Variants in CACNA2D3 observed in about 807,000 individuals in gnomAD.
The protein encoded by CACNA2D3 is calcium voltage-gated channel auxiliary subunit alpha2delta 3.
In CACNA2D3, 60 loss-of-function variants were observed where a neutral mutation model predicts 160.6. The ratio of observed to expected loss-of-function variants is 0.37; its 90% CI spans 0.30 to 0.46. CACNA2D3 has a LOEUF of 0.46. Ranked by LOEUF, CACNA2D3 falls within the 20% of genes least tolerant of loss-of-function variation. The pLI is 1.00. For missense variants in CACNA2D3, 1,205 were observed against 1,365.0 expected (o/e 0.88, Z 1.85); for synonymous variants, 558 against 492.9 (o/e 1.13, Z -1.75).
intron 18 of CACNA2D3, among the ~76,000 whole-genome samples, chr3:54,874,263 A>C (rs1699610394): frequency 6.6e-6 from 1 of 152,228 alleles, no homozygotes; most frequent in South Asian, 2.1e-4. Context: ...CCCACTCTGC[A>C]GGATGAGTTA....
At chr3:54,921,285 G>C (rs1700842043) in intron 27 of CACNA2D3, among the ~76,000 whole-genome samples, 1 of 152,114 alleles carries the variant, frequency 6.6e-6, no homozygotes, top group South Asian at 2.1e-4. Flanking sequence ...TTGTGCCTCT[G>C]CTTGCTCATC....
intron 2 of CACNA2D3, among the ~76,000 whole-genome samples, chr3:54,189,804 C>T (rs368870287): frequency 2.0e-5 from 3 of 152,170 alleles, no homozygotes; most frequent in South Asian, 4.1e-4. Context: ...ACAATTCAAA[C>T]GTGTTGTGCC....
intron 4 of CACNA2D3, among the ~76,000 whole-genome samples, chr3:54,447,138 C>A (rs566653963): frequency 6.6e-6 from 1 of 152,272 alleles, no homozygotes; most frequent in South Asian, 2.1e-4. Flanking sequence ...GAGTGCTAAT[C>A]TGTTTCAATT....
At position 54,636,579 on chromosome 3, in the gene CACNA2D3, A is replaced by G. The variant is rs367990181; in HGVS notation, c.1054-5549A>G. 5.9e-5 allele frequency among the ~76,000 whole-genome samples: 9 copies of G among 152,162 alleles called. 1 individual carries two copies. The East Asian group carries it at 9.6e-4, about 16-fold the overall frequency. On this transcript the variant is annotated intron_variant, in intron 10 of 37. Coordinates refer to ENST00000474759, the MANE Select transcript of CACNA2D3 (RefSeq NM_018398.3). ...TAAAGCAGCGGCAGCCTCTGCACGC[A>G]GACATGAGGGCTAGGCTAAAACAGT...
At chr3:54,207,811 C>T (rs1036179609) in intron 2 of CACNA2D3, among the ~76,000 whole-genome samples, 9 of 151,986 alleles carry the variant, frequency 5.9e-5, no homozygotes, top group African/African-American at 2.2e-4. Flanking sequence ...CGAGATAGGG[C>T]CGCTTGTCAG....
rs115205741 is a variant in CACNA2D3, at chr3:54,254,728, A to G, written c.205-65714A>G. 7.0e-3 allele frequency among the ~76,000 whole-genome samples: 1,015 copies of G among 145,580 alleles called. 14 individuals carry two copies. The highest frequency in any genetic ancestry group is 0.025 in the African/African-American group (956 of 39,016). On this transcript the variant is annotated intron_variant, in intron 2 of 37. Coordinates refer to ENST00000474759, the MANE Select transcript of CACNA2D3 (RefSeq NM_018398.3). ...TGTTGTTACCAACCTATTTGAATCA[A>G]AGTAAAAATCTTCCTTGTCAGAAAT...
intron 35 of CACNA2D3, among the ~76,000 whole-genome samples, chr3:55,057,987 C>CA (rs1195757645): frequency 1.8e-4 from 27 of 150,534 alleles, no homozygotes; most frequent in African/African-American, 2.7e-4. Flanking sequence ...GACAAATCAC[C>CA]AAAAAAAAAT....
At chr3:54,342,710 A>G (rs1313712232) in intron 3 of CACNA2D3, among the ~76,000 whole-genome samples, 5 of 152,198 alleles carry the variant, frequency 3.3e-5, no homozygotes, top group Non-Finnish European at 4.4e-5. Context: ...GTTTCAGGAG[A>G]TAAAACTGAC....
chr3:54,972,334 T>C (rs1215169637), intron 29 of CACNA2D3, among the ~76,000 whole-genome samples: 1 of 152,220 alleles, frequency 6.6e-6, no homozygotes, highest in Non-Finnish European at 1.5e-5. Flanking sequence ...GACTCTTAAA[T>C]TTTGGTTCCA....
intron 2 of CACNA2D3, among the ~76,000 whole-genome samples, chr3:54,136,219 C>T (rs985843198): frequency 1.3e-5 from 2 of 152,212 alleles, no homozygotes; most frequent in African/African-American, 4.8e-5. Context: ...AGGGAACAGT[C>T]CCCTTATTAA....
At chr3:54,774,629 A>ATTTTTTTTTT (rs111655457) in intron 13 of CACNA2D3, among the ~76,000 whole-genome samples, 4 of 107,916 alleles carry the variant, frequency 3.7e-5, no homozygotes, top group Non-Finnish European at 7.1e-5. Flanking sequence ...CTCTTTGACT[A>ATTTTTTTTTT]TTTTTTTTTT....
chr3:54,630,759 A>G (rs1699219062), intron 10 of CACNA2D3, among the ~76,000 whole-genome samples: 1 of 152,114 alleles, frequency 6.6e-6, no homozygotes, highest in South Asian at 2.1e-4. Context: ...GGACTTTTTT[A>G]TCCTGAATCT....
At chr3:54,464,401 C>T (rs1263368295) in intron 4 of CACNA2D3, among the ~76,000 whole-genome samples, 1 of 152,220 alleles carries the variant, frequency 6.6e-6, no homozygotes, top group Admixed American at 6.5e-5. Context: ...GGCAGGCAGG[C>T]CTCCTTGAGC....
intron 2 of CACNA2D3, among the ~76,000 whole-genome samples, chr3:54,183,228 T>G (rs924582074): frequency 2.1e-5 from 2 of 96,154 alleles, no homozygotes; most frequent in Non-Finnish European, 4.2e-5. Flanking sequence ...TTTTTTTTTT[T>G]TCTATTCAGA....
intron 13 of CACNA2D3, among the ~76,000 whole-genome samples, chr3:54,810,740 A>G (rs992059988): frequency 1.5e-4 from 23 of 152,172 alleles, no homozygotes; most frequent in African/African-American, 4.3e-4. Flanking sequence ...TTTATGTTTG[A>G]AAAAGGGTCC....
intron 9 of CACNA2D3, among the ~76,000 whole-genome samples, chr3:54,593,345 A>G (rs765036125): frequency 8.6e-5 from 13 of 151,200 alleles, no homozygotes; most frequent in Non-Finnish European, 1.8e-4. Context: ...TCAGAATAGT[A>G]TGGTTCATGG....
In CACNA2D3 at chr3:54,484,632, A is replaced by G. The variant is rs554939496; in HGVS notation, c.382-18860A>G. Among the ~76,000 whole-genome samples, 7 of 152,344 alleles carry G rather than the reference A, an allele frequency of 4.6e-5. No homozygotes were observed. In the South Asian group the frequency reaches 1.4e-3, roughly 32 times the overall value. ...AAGTGTGAGAACATTCTAAATGGCA[A>G]TAATAATCATGATAATGAGGCCACA... On this transcript the variant is annotated intron_variant, in intron 4 of 37. Transcript: ENST00000474759.
At chr3:54,202,364 C>G (rs938288490) in intron 2 of CACNA2D3, among the ~76,000 whole-genome samples, 8 of 152,232 alleles carry the variant, frequency 5.3e-5, no homozygotes, top group Non-Finnish European at 1.2e-4. Flanking sequence ...ATCTGGCTGT[C>G]TCACGCTGCA....
In CACNA2D3 at chr3:54,956,025, T is replaced by A. The variant is rs145574557; in HGVS notation, c.2450-12425T>A. The stretch of plus-strand genomic sequence containing the variant: ...AATGAGAGGGAAAAAAGTGCGTGAT[T>A]ACTCCAGAGTGCCGTCCGCCCCTCC... On this transcript the variant is annotated intron_variant, in intron 27 of 37. Transcript: ENST00000474759. Among the ~76,000 whole-genome samples, 1,116 of 152,334 alleles carry A rather than the reference T, an allele frequency of 7.3e-3. 6 individuals carry two copies. The highest frequency in any genetic ancestry group is 0.012 in the Non-Finnish European group (823 of 68,028).
Sources: gnomAD v4.1 joint callset for allele counts (sites outside exome capture counted in the v4.1 genomes callset) on GRCh38, gnomAD v4.1.1 for gene constraint, MANE v1.5 for transcripts, NCBI Gene and HGNC (gene_info 2026-07-23, HGNC 2026-07-21) for gene names.